Variants in NCOA3 observed in about 807,000 individuals in gnomAD.
The protein encoded by NCOA3 is nuclear receptor coactivator 3.
Under a neutral mutation model 158.8 loss-of-function variants are expected in NCOA3, and 51 were observed. That is an observed-to-expected ratio of 0.32 (90% CI 0.26 to 0.41). NCOA3 has a LOEUF of 0.41. NCOA3 is among the 10% of genes least tolerant of loss of function. The pLI, the probability that NCOA3 is intolerant of heterozygous loss-of-function variation, is 1.00. For synonymous variants in NCOA3, 537 were observed against 592.4 expected (o/e 0.91, Z 1.36); for missense variants, 1,510 against 1,746.6 (o/e 0.86, Z 2.41).
intron 1 of NCOA3, among the ~76,000 whole-genome samples, chr20:47,559,497 C>T (rs2085064903): frequency 6.6e-6 from 1 of 152,146 alleles, no homozygotes; most frequent in African/African-American, 2.4e-5. Context: ...CCCTTCCTGC[C>T]TTATATCCTG....
rs2086458013 is a variant in NCOA3, at chr20:47,633,554, A to T, written c.882A>T (p.Glu294Asp). 1.2e-6 allele frequency: 2 copies of T among 1,613,602 alleles called. No homozygotes were observed. The highest frequency in any genetic ancestry group is 2.7e-5 in the African/African-American group (2 of 74,926). The change falls in exon 9 of 23, where the codon GAA becomes GAT. Residue 294 changes from glutamate (E) to aspartate (D), a missense_variant. By Grantham distance (45) the Glu-to-Asp change is conservative (BLOSUM62 2). This residue lies in a region of NCOA3 where 309 missense variants were observed against 427.1 expected (regional missense o/e 0.72). Coordinates refer to ENST00000371998, the MANE Select transcript of NCOA3 (RefSeq NM_181659.3). ...GATCCTCCATGAGGCCTGGCTTTGA[A>T]GATATAATCCGAAGGTGTATTCAGA... ...SLRSSMRPGF[E>D]DIIRRCIQRF... is the part of the protein sequence containing the mutation.
intron 13 of NCOA3, among the ~76,000 whole-genome samples, 187 bp downstream of exon 13, chr20:47,637,970 A>G (rs1650850068): frequency 6.6e-6 from 1 of 152,160 alleles, no homozygotes; most frequent in Admixed American, 6.5e-5. Flanking sequence ...CCTGTTTTTT[A>G]AAAATTAAAT....
chr20:47,566,479 T>A (rs1270501376), intron 1 of NCOA3, among the ~76,000 whole-genome samples: 1 of 152,048 alleles, frequency 6.6e-6, no homozygotes, highest in African/African-American at 2.4e-5. Context: ...GAAATTACTT[T>A]CTTCTCCCTC....
At chr20:47,625,265 A>T (rs1016418063) in intron 4 of NCOA3, 116 bp from the exon 5 acceptor site, 2 of 638,278 alleles carry the variant, frequency 3.1e-6, no homozygotes, top group African/African-American at 3.7e-5. Context: ...AATGTTTTGT[A>T]TGTATGTATG....
chr20:47,609,773 A>G (rs1284601462), intron 2 of NCOA3, among the ~76,000 whole-genome samples: 1 of 152,046 alleles, frequency 6.6e-6, no homozygotes, highest in African/African-American at 2.4e-5. Flanking sequence ...ACATTTGAAT[A>G]GCAACAAAGA....
intron 1 of NCOA3, among the ~76,000 whole-genome samples, chr20:47,526,748 G>A (rs572399100): frequency 3.3e-5 from 5 of 152,118 alleles, no homozygotes; most frequent in East Asian, 1.9e-4. Flanking sequence ...GAGGGAGACC[G>A]TGGAAAGAGA....
chr20:47,607,706 A>G (rs976014139), intron 2 of NCOA3, among the ~76,000 whole-genome samples: 2 of 152,200 alleles, frequency 1.3e-5, no homozygotes, highest in Admixed American at 6.5e-5. Context: ...TTTCTCTCCT[A>G]TAAAACTCAC....
In NCOA3 at chr20:47,656,203, A is replaced by G. The variant is rs2086871509; in HGVS notation, c.*2786A>G. The G allele has an allele frequency of 6.6e-6, 1 of 151,386 alleles. No homozygotes were observed. The highest frequency in any genetic ancestry group is 2.4e-5 in the African/African-American group (1 of 41,314). The allele number at this position is 151,386 out of a possible 1,614,324, so 9.4% of individuals were successfully genotyped here. ...TTTTATAAAGATCAGAATGATATAA[A>G]GGAGATACATGTTTCTTCCTTTAAA... On this transcript the variant is annotated 3_prime_UTR_variant, in exon 23 of 23. Coordinates refer to ENST00000371998, the MANE Select transcript of NCOA3 (RefSeq NM_181659.3).
At chr20:47,514,904 T>C (rs1454931674) in intron 1 of NCOA3, among the ~76,000 whole-genome samples, 3 of 151,422 alleles carry the variant, frequency 2.0e-5, no homozygotes, top group Non-Finnish European at 4.4e-5. Context: ...AGGCTGGTCT[T>C]GAACTCGTGA....
chr20:47,566,709 C>T (rs1316540502), intron 1 of NCOA3, among the ~76,000 whole-genome samples: 11 of 152,028 alleles, frequency 7.2e-5, no homozygotes, highest in African/African-American at 2.4e-4. Flanking sequence ...ACAGGTTTTG[C>T]CGTGTGCCCA....
intron 2 of NCOA3, among the ~76,000 whole-genome samples, chr20:47,620,554 G>A (rs565967114): frequency 6.6e-6 from 1 of 152,268 alleles, no homozygotes; most frequent in South Asian, 2.1e-4. Flanking sequence ...TTCACCTAGT[G>A]TCAACTCCCT....
chr20:47,531,951 C>G (rs2084553976), intron 1 of NCOA3, among the ~76,000 whole-genome samples: 1 of 152,134 alleles, frequency 6.6e-6, no homozygotes, highest in South Asian at 2.1e-4. Flanking sequence ...TCCTCACACC[C>G]TCCAAAATCC....
chr20:47,536,616 CT>C (rs2084637761), intron 1 of NCOA3, among the ~76,000 whole-genome samples: 1 of 152,080 alleles, frequency 6.6e-6, no homozygotes. Flanking sequence ...CTCTTTGCCT[CT>C]TTATTAAGTG....
At chr20:47,559,807 C>T (rs903024535) in intron 1 of NCOA3, among the ~76,000 whole-genome samples, 3 of 152,072 alleles carry the variant, frequency 2.0e-5, no homozygotes, top group African/African-American at 7.2e-5. Flanking sequence ...CACCCTACCA[C>T]ACCTGGCTAA....
intron 1 of NCOA3, among the ~76,000 whole-genome samples, chr20:47,576,550 A>G (rs1452540606): frequency 2.0e-5 from 3 of 152,114 alleles, no homozygotes; most frequent in Non-Finnish European, 4.4e-5. Context: ...TTTAAAATAT[A>G]TTGTCTTGAA....
chr20:47,635,425 A>C lies in NCOA3; in HGVS notation c.1216A>C (p.Asn406His). Residue 406 changes from asparagine to histidine, a missense_variant, in exon 11 of 23, where the codon AAC becomes CAC. By Grantham distance (68) the Asn-to-His change is moderately conservative. Around this residue, in one of 4 missense-constraint regions of NCOA3, gnomAD observed 1,017 missense variants for 1,098.3 expected, o/e 0.93. Transcript: ENST00000371998. Reference protein sequence around the residue: ...SSVGGMSMSPNQGLQMPSSRA... With the variant: ...SSVGGMSMSPHQGLQMPSSRA... The stretch of plus-strand genomic sequence containing the variant: ...GGTAGGCGGCATGAGTATGTCGCCA[A>C]ACCAAGGCTTACAGATGCCGAGCAG... 2 of 1,614,170 alleles carry C rather than the reference A, an allele frequency of 1.2e-6. No homozygotes were observed. The highest frequency in any genetic ancestry group is 1.7e-6 in the Non-Finnish European group (2 of 1,180,034).
At chr20:47,509,556 A>T (rs1020165012) in intron 1 of NCOA3, among the ~76,000 whole-genome samples, 2 of 152,174 alleles carry the variant, frequency 1.3e-5, no homozygotes, top group East Asian at 3.9e-4. Context: ...GAAATGGATT[A>T]TTTAAGTCAT....
chr20:47,609,917 A>G (rs1024241153), intron 2 of NCOA3, among the ~76,000 whole-genome samples: 1 of 152,036 alleles, frequency 6.6e-6, no homozygotes, highest in African/African-American at 2.4e-5. Context: ...CCCTGAAGCA[A>G]TCTTGACCTA....
intron 10 of NCOA3, among the ~76,000 whole-genome samples, chr20:47,635,100 T>C (rs1356493347): frequency 6.6e-6 from 1 of 152,010 alleles, no homozygotes; most frequent in Non-Finnish European, 1.5e-5. Flanking sequence ...GGCCAATTTT[T>C]AAATTTTTTG....
Sources: gnomAD v4.1 joint callset for allele counts (sites outside exome capture counted in the v4.1 genomes callset) on GRCh38, gnomAD v4.1.1 for gene constraint, gnomAD v4.1.1 regional missense constraint, MANE v1.5 for transcripts, NCBI Gene and HGNC (gene_info 2026-07-23, HGNC 2026-07-21) for gene names.